The following PPP1R1C variants were observed in gnomAD, a reference collection of about 807,000 sequenced individuals.
PPP1R1C encodes protein phosphatase 1 regulatory subunit 1C.
Under a neutral mutation model 17.4 loss-of-function variants are expected in PPP1R1C, and 15 were observed. The ratio of observed to expected loss-of-function variants is 0.86; its 90% CI spans 0.58 to 1.33. The LOEUF (loss-of-function observed/expected upper bound fraction) is 1.33. Ranked by LOEUF, PPP1R1C falls within the 40% of genes most tolerant of loss-of-function variation. PPP1R1C has a pLI of 0.00. For missense variants in PPP1R1C, 143 were observed against 130.0 expected (o/e 1.10, Z -0.48); for synonymous variants, 35 against 43.1 (o/e 0.81, Z 0.73).
At chr2:182,122,572 T>A (rs1368728477), downstream of PPP1R1C, among the ~76,000 whole-genome samples, 4 of 152,122 alleles carry the variant, frequency 2.6e-5, no homozygotes, top group Admixed American at 2.6e-4. Flanking sequence ...GAGGAAATGA[T>A]AATTTTATTG....
At chr2:182,046,466 G>A (rs900732691) in intron 2 of PPP1R1C, among the ~76,000 whole-genome samples, 1 of 151,774 alleles carries the variant, frequency 6.6e-6, no homozygotes, top group Non-Finnish European at 1.5e-5. Flanking sequence ...AGTGGCTCAT[G>A]CCTGTAATCC....
intron 4 of PPP1R1C, among the ~76,000 whole-genome samples, chr2:182,095,219 A>G (rs1177927090): frequency 1.3e-5 from 2 of 152,094 alleles, no homozygotes; most frequent in Non-Finnish European, 2.9e-5. Flanking sequence ...GAATCGCTTG[A>G]ACCCCAGAGG....
At chr2:182,010,271 A>C (rs771066242) in intron 2 of PPP1R1C, among the ~76,000 whole-genome samples, 1 of 151,752 alleles carries the variant, frequency 6.6e-6, no homozygotes, top group African/African-American at 2.4e-5. Context: ...ATATTTTTGC[A>C]TTTTTTTGTG....
intron 5 of PPP1R1C, among the ~76,000 whole-genome samples, chr2:182,126,929 T>A (rs1171808979): frequency 1.3e-5 from 2 of 151,900 alleles, no homozygotes; most frequent in Non-Finnish European, 2.9e-5. Flanking sequence ...TGATATTGGA[T>A]TCATCTTTGT....
At chr2:182,045,690 T>C (rs1559070302) in intron 2 of PPP1R1C, among the ~76,000 whole-genome samples, 1 of 152,150 alleles carries the variant, frequency 6.6e-6, no homozygotes, top group African/African-American at 2.4e-5. Context: ...ATAATAGTGA[T>C]ACTCAGATAC....
chr2:181,987,638 G>A (rs1685341476), intron 1 of PPP1R1C, among the ~76,000 whole-genome samples: 1 of 152,182 alleles, frequency 6.6e-6, no homozygotes, highest in Non-Finnish European at 1.5e-5. Context: ...GTCAAAGAGG[G>A]TGATACTTCT....
At chr2:182,049,332 C>CA (rs3064024) in intron 2 of PPP1R1C, among the ~76,000 whole-genome samples, 4,045 of 77,720 alleles carry the variant, frequency 0.052, 101 homozygotes, top group African/African-American at 0.085. Flanking sequence ...GATTCCATCT[C>CA]AAAAAAAAAA....
At position 181,990,691 on chromosome 2, in the gene PPP1R1C, A is replaced by G. The variant is rs944585450; in HGVS notation, c.142+2792A>G. On this transcript the variant is annotated intron_variant, in intron 2 of 4. Coordinates refer to ENST00000682840, the MANE Select transcript of PPP1R1C (RefSeq NM_001080545.3). ...CATCTGTTCTAAATATTTCTGCGCG[A>G]TCCAACAGTTTCTTTTCCACACATT... Among the ~76,000 whole-genome samples the G allele has an allele frequency of 2.0e-5, 3 of 152,364 alleles. No homozygotes were observed. In the East Asian group the frequency reaches 5.8e-4, roughly 29 times the overall value.
chr2:182,001,999 T>C (rs553235532), intron 2 of PPP1R1C, among the ~76,000 whole-genome samples: 4 of 152,312 alleles, frequency 2.6e-5, no homozygotes, highest in African/African-American at 9.6e-5. Context: ...CTGAGTCAGA[T>C]AAGATTATGT....
At chr2:182,052,580 T>G (rs1466882278) in intron 2 of PPP1R1C, among the ~76,000 whole-genome samples, 1 of 152,216 alleles carries the variant, frequency 6.6e-6, no homozygotes, top group Non-Finnish European at 1.5e-5. Context: ...CCCACAATCC[T>G]ACATTCTCCT....
intron 1 of PPP1R1C, among the ~76,000 whole-genome samples, chr2:181,971,034 G>A (rs1684996941): frequency 6.6e-6 from 1 of 151,598 alleles, no homozygotes; most frequent in Non-Finnish European, 1.5e-5. Context: ...CTGGAATCAG[G>A]AGCCCAAAGA....
At chr2:182,091,175 C>T (rs1415752350) in intron 4 of PPP1R1C, among the ~76,000 whole-genome samples, 1 of 152,040 alleles carries the variant, frequency 6.6e-6, no homozygotes, top group East Asian at 1.9e-4. Flanking sequence ...ACAAAGGAGA[C>T]TGAGAAGGAG....
At chr2:182,114,538 A>G (rs965724881) in intron 4 of PPP1R1C, among the ~76,000 whole-genome samples, 3 of 152,190 alleles carry the variant, frequency 2.0e-5, no homozygotes, top group Non-Finnish European at 4.4e-5. Flanking sequence ...CTATAATCAG[A>G]TGAATATTGA....
chr2:182,082,586 C>T (rs889593595), intron 4 of PPP1R1C, among the ~76,000 whole-genome samples: 2 of 152,102 alleles, frequency 1.3e-5, no homozygotes, highest in East Asian at 3.9e-4. Context: ...GCCCTGCCTT[C>T]GCTGGCTCTG....
rs1428550634 is a variant in PPP1R1C, at chr2:182,076,196, TC to T, written c.241+12406del. Among the ~76,000 whole-genome samples, 56 of 110,356 alleles carry T rather than the reference TC, an allele frequency of 5.1e-4. 6 individuals are homozygous for T. The highest frequency in any genetic ancestry group is 2.2e-3 in the African/African-American group (50 of 22,682). The allele number at this position is 110,356 out of a possible 152,430, so 72.4% of individuals were successfully genotyped here. ...GGATTTTGAACTTTTTTTTTTCTTT[TC>T]TTTTTTTTTTTTTTTTTTTTTTTTT... On this transcript the variant is annotated intron_variant, in intron 4 of 4. Transcript: ENST00000682840.
At chr2:182,053,232 T>G (rs546049059) in intron 2 of PPP1R1C, among the ~76,000 whole-genome samples, 1 of 152,230 alleles carries the variant, frequency 6.6e-6, no homozygotes, top group Non-Finnish European at 1.5e-5. Flanking sequence ...TGAAGATGTA[T>G]AATCTAGTTG....
At chr2:182,063,974 T>C (rs1448827918) in intron 4 of PPP1R1C, 183 bp downstream of exon 4, 7 of 478,510 alleles carry the variant, frequency 1.5e-5, no homozygotes, top group African/African-American at 3.9e-5. Context: ...GAGTAAAATA[T>C]GGGGTTGAAA....
chr2:182,029,688 G>A lies in PPP1R1C; in HGVS notation c.143-31754G>A, dbSNP rs1348928619. Among the ~76,000 whole-genome samples, 5 of 112,108 alleles carry A rather than the reference G, an allele frequency of 4.5e-5. No individual in the cohort carries two copies. The Admixed American group carries it at 4.9e-4, about 11-fold the overall frequency. The allele number at this position is 112,108 out of a possible 152,430, so 73.5% of individuals were successfully genotyped here. ...ACTTTGGTGAATCTGACAATTATGT[G>A]TCTTGGAGTTGCTCTTCTCGAGGAG... is the stretch of plus-strand genomic sequence containing the variant. On this transcript the variant is annotated intron_variant, in intron 2 of 4. Transcript: ENST00000682840.
At chr2:182,064,426 G>C (rs566052059) in intron 4 of PPP1R1C, among the ~76,000 whole-genome samples, 1 of 152,218 alleles carries the variant, frequency 6.6e-6, no homozygotes, top group South Asian at 2.1e-4. Context: ...ATTTGAGGTA[G>C]AGTCTGTCCA....
Sources: gnomAD v4.1 joint callset for allele counts (sites outside exome capture counted in the v4.1 genomes callset) on GRCh38, gnomAD v4.1.1 for gene constraint, MANE v1.5 for transcripts, NCBI Gene and HGNC (gene_info 2026-07-23, HGNC 2026-07-21) for gene names.